SHLD1: variants seen among roughly 807,000 people sequenced by gnomAD.
The protein encoded by SHLD1 is shieldin complex subunit 1, also known as RINN1-REV7-interacting novel NHEJ regulator 3.
In SHLD1, 3 loss-of-function variants were observed where a neutral mutation model predicts 5.5. That is an observed-to-expected ratio of 0.54 (90% CI 0.25 to 1.40). The LOEUF is 1.40. Among genes scored for constraint, SHLD1 ranks in the 40% most tolerant of loss-of-function variants. The pLI is 0.15. For synonymous variants in SHLD1, 92 were observed against 94.3 expected (o/e 0.98, Z 0.14); for missense variants, 210 against 244.4 (o/e 0.86, Z 0.94).
At chr20:5,839,055 T>A (rs886897046) in intron 2 of SHLD1, among the ~76,000 whole-genome samples, 3 of 152,186 alleles carry the variant, frequency 2.0e-5, no homozygotes, top group African/African-American at 7.2e-5. Flanking sequence ...CTAGTTGAGG[T>A]TGTATGCTTA....
At chr20:5,840,808 G>A (rs999246265) in intron 2 of SHLD1, among the ~76,000 whole-genome samples, 1 of 152,122 alleles carries the variant, frequency 6.6e-6, no homozygotes, top group Admixed American at 6.5e-5. Context: ...ATTTATGTTG[G>A]TTGTAACTAA....
chr20:5,767,422 G>A (rs978294864), intron 1 of SHLD1, among the ~76,000 whole-genome samples: 3 of 152,086 alleles, frequency 2.0e-5, no homozygotes, highest in Non-Finnish European at 4.4e-5. Flanking sequence ...ACAGGTATCA[G>A]CCACCGCGCC....
intron 2 of SHLD1, among the ~76,000 whole-genome samples, chr20:5,807,573 A>C (rs1202850900): frequency 6.6e-6 from 1 of 152,016 alleles, no homozygotes; most frequent in Non-Finnish European, 1.5e-5. Flanking sequence ...AGGTCTCGTC[A>C]TGTTGCCCAG....
At chr20:5,805,034 GA>G (rs1386033413) in intron 2 of SHLD1, among the ~76,000 whole-genome samples, 2 of 152,188 alleles carry the variant, frequency 1.3e-5, no homozygotes, top group African/African-American at 4.8e-5. Context: ...TCTCCCAGGA[GA>G]ATAATACTAT....
chr20:5,846,551 A>C (rs1471059925), intron 2 of SHLD1, among the ~76,000 whole-genome samples: 1 of 152,160 alleles, frequency 6.6e-6, no homozygotes, highest in African/African-American at 2.4e-5. Flanking sequence ...ATCTACTGAA[A>C]CCTCGTGTGT....
chr20:5,853,235 C>T (rs1028791727), intron 2 of SHLD1, among the ~76,000 whole-genome samples: 1 of 152,096 alleles, frequency 6.6e-6, no homozygotes, highest in Non-Finnish European at 1.5e-5. Flanking sequence ...CACTTGAGGT[C>T]AGGAGTTCAA....
chr20:5,843,037 G>C (rs539131183), intron 2 of SHLD1, among the ~76,000 whole-genome samples: 1 of 152,068 alleles, frequency 6.6e-6, no homozygotes, highest in African/African-American at 2.4e-5. Flanking sequence ...ACTCCCACTC[G>C]GTAAAGGTAG....
chr20:5,758,981 G>T, intron 1 of SHLD1, among the ~76,000 whole-genome samples: 1 of 132,854 alleles, frequency 7.5e-6, no homozygotes, highest in South Asian at 2.5e-4. Context: ...CTGAGATGGA[G>T]TCTCGCACTG....
chr20:5,767,322 A>G (rs932994922), intron 1 of SHLD1, among the ~76,000 whole-genome samples: 1 of 151,914 alleles, frequency 6.6e-6, no homozygotes, highest in Non-Finnish European at 1.5e-5. Flanking sequence ...TAAATTTTTA[A>G]TAGATACAAG....
intron 1 of SHLD1, among the ~76,000 whole-genome samples, chr20:5,755,256 G>C (rs182211223): frequency 1.0e-3 from 155 of 152,282 alleles, no homozygotes; most frequent in African/African-American, 3.7e-3. Context: ...CCATGGACCA[G>C]CACCAGTCTG....
rs140725945 is a variant in SHLD1, at chr20:5,786,547, C to T, written c.178+13504C>T. On this transcript the variant is annotated intron_variant, in intron 2 of 2. Coordinates refer to ENST00000303142, the MANE Select transcript of SHLD1 (RefSeq NM_152504.4). ...CTACAGTCGTGCCACTGCACTTTAACCTGAGTGACAGAATGAGACCTCATC... is the reference window on the plus strand; with the variant it reads ...CTACAGTCGTGCCACTGCACTTTAATCTGAGTGACAGAATGAGACCTCATC... 2.5e-3 allele frequency among the ~76,000 whole-genome samples: 375 copies of T among 151,878 alleles called. 2 individuals carry two copies. The highest frequency in any genetic ancestry group is 8.7e-3 in the African/African-American group (361 of 41,386).
At chr20:5,784,947 C>T (rs991851650) in intron 2 of SHLD1, among the ~76,000 whole-genome samples, 2 of 152,200 alleles carry the variant, frequency 1.3e-5, no homozygotes, top group East Asian at 3.9e-4. Flanking sequence ...TCAAGCCACA[C>T]CTCCGGGGCA....
chr20:5,752,052 G>A (rs895910461), intron 1 of SHLD1, among the ~76,000 whole-genome samples: 5 of 152,122 alleles, frequency 3.3e-5, no homozygotes, highest in African/African-American at 1.2e-4. Flanking sequence ...TCCTTGTTAC[G>A]TAGATGAAGT....
intron 2 of SHLD1, among the ~76,000 whole-genome samples, chr20:5,858,098 CAAAA>C (rs11300827): frequency 3.6e-5 from 4 of 111,488 alleles, no homozygotes; most frequent in Admixed American, 9.2e-5. Context: ...GACTCCATCT[CAAAA>C]AAAAAAAAAA....
chr20:5,833,213 C>A (rs2087750490), intron 2 of SHLD1, among the ~76,000 whole-genome samples: 1 of 152,178 alleles, frequency 6.6e-6, no homozygotes, highest in Admixed American at 6.5e-5. Flanking sequence ...TGAGCTTGTC[C>A]CCAGTTTTGC....
intron 2 of SHLD1, among the ~76,000 whole-genome samples, chr20:5,777,606 T>A (rs972506986): frequency 5.1e-4 from 77 of 151,626 alleles, no homozygotes; most frequent in East Asian, 9.7e-4. Context: ...ATTTTATTTT[T>A]TTTTTTTGTT....
intron 2 of SHLD1, among the ~76,000 whole-genome samples, chr20:5,789,377 G>A (rs947116611): frequency 1.3e-5 from 2 of 151,828 alleles, no homozygotes; most frequent in Admixed American, 6.6e-5. Flanking sequence ...AAGAGTTTGA[G>A]ACCAGCCTGG....
chr20:5,843,217 A>G (rs1011089738), intron 2 of SHLD1, among the ~76,000 whole-genome samples: 1 of 151,950 alleles, frequency 6.6e-6, no homozygotes, highest in Non-Finnish European at 1.5e-5. Context: ...GCTGGCTTAG[A>G]GGTTTTTAGA....
At chr20:5,780,370 G>A (rs954941354) in intron 2 of SHLD1, among the ~76,000 whole-genome samples, 1 of 152,156 alleles carries the variant, frequency 6.6e-6, no homozygotes, top group African/African-American at 2.4e-5. Context: ...TCACAGTGGA[G>A]GCGTGGCGTA....
Sources: gnomAD v4.1 joint callset for allele counts (sites outside exome capture counted in the v4.1 genomes callset) on GRCh38, gnomAD v4.1.1 for gene constraint, MANE v1.5 for transcripts, NCBI Gene and HGNC (gene_info 2026-07-23, HGNC 2026-07-21) for gene names.